The following STARD13 variants were observed in gnomAD, a reference collection of about 807,000 sequenced individuals.
STARD13 encodes the protein stAR-related lipid transfer protein 13.
A neutral mutation model predicts 106.4 loss-of-function variants in STARD13; 62 were observed. That is an observed-to-expected ratio of 0.58 (90% confidence interval 0.48 to 0.72). The LOEUF (loss-of-function observed/expected upper bound fraction) is 0.72, where lower values mean the gene tolerates loss of function less well. Ranked by LOEUF, STARD13 falls within the 30% of genes least tolerant of loss-of-function variation. The pLI is 0.00. For missense variants in STARD13, 1,387 were observed against 1,424.0 expected (o/e 0.97, Z 0.42); for synonymous variants, 565 against 553.0 (o/e 1.02, Z -0.31).
the STARD13 span, among the ~76,000 whole-genome samples, chr13:33,635,321 G>T: frequency 1.8e-3 from 270 of 152,242 alleles, 7 homozygotes; most frequent in East Asian, 0.047. Context: ...CTAATAAATG[G>T]AAACTAAATA....
At chr13:33,626,985 T>C in the STARD13 span, among the ~76,000 whole-genome samples, 269 of 152,364 alleles carry the variant, frequency 1.8e-3, no homozygotes, top group African/African-American at 6.3e-3. Context: ...ATAGTATAGT[T>C]ACAAAATTGG....
Position 33,186,076 on chromosome 13 carries a change from T to C in STARD13, c.170-18454A>G, listed in dbSNP as rs1391613094. On this transcript the variant is annotated intron_variant, in intron 1 of 13. Coordinates refer to ENST00000336934, the MANE Select transcript of STARD13 (RefSeq NM_178006.4). ...GCAGATGATAGTCCTCTCTCATGTT[T>C]CCGGTTGCTAACAGTGGAGAGGAAC... The C allele has an allele frequency of 4.4e-6, 7 of 1,602,062 alleles. No homozygotes were observed. In the East Asian group the frequency reaches 1.3e-4, roughly 31 times the overall value.
At chr13:33,253,579 G>A (rs1024958421) in intron 1 of STARD13, among the ~76,000 whole-genome samples, 3 of 152,140 alleles carry the variant, frequency 2.0e-5, no homozygotes, top group African/African-American at 7.2e-5. Flanking sequence ...GCTGGGTGAG[G>A]GGGACCTCCT....
intron 1 of STARD13, among the ~76,000 whole-genome samples, chr13:33,204,757 C>T (rs1249975602): frequency 6.6e-6 from 1 of 152,260 alleles, no homozygotes; most frequent in Non-Finnish European, 1.5e-5. Context: ...CTCAGCTCTA[C>T]CGGAAGATAA....
the STARD13 span, among the ~76,000 whole-genome samples, chr13:33,425,518 AT>A: frequency 1.3e-5 from 2 of 152,124 alleles, no homozygotes; most frequent in African/African-American, 4.8e-5. Context: ...GAGGAGGTAC[AT>A]TTTTGTTTAT....
At chr13:33,197,256 C>T (rs1480811174) in intron 1 of STARD13, among the ~76,000 whole-genome samples, 1 of 152,166 alleles carries the variant, frequency 6.6e-6, no homozygotes, top group Non-Finnish European at 1.5e-5. Flanking sequence ...TTTCAGCACA[C>T]CTATTACCAA....
chr13:33,544,914 C>G, the STARD13 span, among the ~76,000 whole-genome samples: 1 of 151,772 alleles, frequency 6.6e-6, no homozygotes, highest in Non-Finnish European at 1.5e-5. Context: ...GCTGGGACTA[C>G]AGGCGTGTGC....
chr13:33,317,815 T>A (rs977703863), intron 1 of STARD13, among the ~76,000 whole-genome samples: 3 of 152,228 alleles, frequency 2.0e-5, no homozygotes, highest in Non-Finnish European at 2.9e-5. Context: ...TTAGCTTTTT[T>A]AAGCACTCCG....
chr13:33,261,824 G>A (rs1250114063), intron 1 of STARD13, among the ~76,000 whole-genome samples: 2 of 152,142 alleles, frequency 1.3e-5, no homozygotes, highest in Non-Finnish European at 2.9e-5. Context: ...TCTTGAAAAT[G>A]GAAGGGCTTA....
At chr13:33,122,914 G>A (rs918127472) in intron 7 of STARD13, among the ~76,000 whole-genome samples, 23 of 152,092 alleles carry the variant, frequency 1.5e-4, no homozygotes, top group East Asian at 9.7e-4. Context: ...AATTAGCTGG[G>A]TATGGTGGTG....
At chr13:33,548,044 A>T in the STARD13 span, among the ~76,000 whole-genome samples, 2 of 152,198 alleles carry the variant, frequency 1.3e-5, no homozygotes, top group African/African-American at 4.8e-5. Flanking sequence ...CTGATCTCCT[A>T]AACCTGCTTT....
chr13:33,628,223 T>A, the STARD13 span, among the ~76,000 whole-genome samples: 1 of 151,240 alleles, frequency 6.6e-6, no homozygotes. Context: ...ATACTTCTAA[T>A]GTTTTTCTTT....
At chr13:33,632,044 GA>G in the STARD13 span, among the ~76,000 whole-genome samples, 2 of 152,138 alleles carry the variant, frequency 1.3e-5, no homozygotes, top group Admixed American at 1.3e-4. Context: ...CCATTTAATG[GA>G]ATCATTACTT....
At chr13:33,250,905 T>C (rs1269481293) in intron 1 of STARD13, among the ~76,000 whole-genome samples, 1 of 152,180 alleles carries the variant, frequency 6.6e-6, no homozygotes, top group Non-Finnish European at 1.5e-5. Context: ...CATTACTGGA[T>C]CCTGGCATTT....
At chr13:33,327,117 G>A (rs2077784653) in intron 1 of STARD13, among the ~76,000 whole-genome samples, 1 of 152,094 alleles carries the variant, frequency 6.6e-6, no homozygotes, top group Non-Finnish European at 1.5e-5. Flanking sequence ...AGAAATAGTT[G>A]TACATTTATC....
the STARD13 span, among the ~76,000 whole-genome samples, chr13:33,549,070 T>C: frequency 6.6e-6 from 1 of 152,148 alleles, no homozygotes; most frequent in Non-Finnish European, 1.5e-5. Flanking sequence ...AACAAATAAG[T>C]TCGAGAAAAT....
intron 1 of STARD13, among the ~76,000 whole-genome samples, chr13:33,177,553 C>T (rs1188617361): frequency 1.3e-5 from 2 of 152,126 alleles, no homozygotes; most frequent in East Asian, 3.8e-4. Context: ...CTGGGGATAT[C>T]ACTGGATTTT....
At chr13:33,339,388 T>C (rs937612880) in intron 1 of STARD13, among the ~76,000 whole-genome samples, 2 of 152,232 alleles carry the variant, frequency 1.3e-5, no homozygotes, top group Non-Finnish European at 1.5e-5. Flanking sequence ...AGGACATGCA[T>C]TTAAGACACT....
the STARD13 span, among the ~76,000 whole-genome samples, chr13:33,650,626 T>C: frequency 2.0e-5 from 3 of 152,248 alleles, no homozygotes; most frequent in Non-Finnish European, 2.9e-5. Flanking sequence ...TAATTGGTCC[T>C]GGAGGGATAA....
Sources: allele counts gnomAD v4.1 joint callset (sites outside exome capture counted in the v4.1 genomes callset), GRCh38; gene constraint gnomAD v4.1.1; transcripts MANE v1.5; gene names NCBI Gene and HGNC (gene_info 2026-07-23, HGNC 2026-07-21).